BRINP3: variants seen among roughly 807,000 people sequenced by gnomAD.
BRINP3 encodes BMP/retinoic acid inducible neural specific 3.
BRINP3 carries 19 observed loss-of-function variants against 71.0 expected under a neutral mutation model. That is an observed-to-expected ratio of 0.27 (90% CI 0.19 to 0.39). The LOEUF (loss-of-function observed/expected upper bound fraction) is 0.39, where lower values mean the gene tolerates loss of function less well. BRINP3 is among the 10% of genes least tolerant of loss of function. BRINP3 has a pLI of 1.00. For missense variants in BRINP3, 959 were observed against 940.8 expected (o/e 1.02, Z -0.25); for synonymous variants, 380 against 337.7 (o/e 1.13, Z -1.37).
chr1:190,110,581 A>C (rs1652577001), intron 7 of BRINP3, among the ~76,000 whole-genome samples: 1 of 152,140 alleles, frequency 6.6e-6, no homozygotes, highest in Non-Finnish European at 1.5e-5. Context: ...TAAAACACAT[A>C]TTTCATAGAG....
chr1:190,259,612 CAAAA>C (rs995963734), intron 4 of BRINP3, among the ~76,000 whole-genome samples: 7 of 115,912 alleles, frequency 6.0e-5, no homozygotes, highest in Non-Finnish European at 9.0e-5. Context: ...GAGAATTAGG[CAAAA>C]AATAAATAAA....
At chr1:190,138,032 G>A (rs977633950) in intron 7 of BRINP3, among the ~76,000 whole-genome samples, 4 of 151,662 alleles carry the variant, frequency 2.6e-5, no homozygotes, top group African/African-American at 7.3e-5. Context: ...TCGGCTCACC[G>A]CAACCTCTGC....
intron 2 of BRINP3, among the ~76,000 whole-genome samples, chr1:190,283,664 T>A (rs1663207767): frequency 6.7e-6 from 1 of 148,694 alleles, no homozygotes; most frequent in Non-Finnish European, 1.5e-5. Context: ...AAATATAGGA[T>A]ATATAAATAA....
chr1:190,275,341 A>T (rs1662465944), intron 3 of BRINP3, among the ~76,000 whole-genome samples: 1 of 151,646 alleles, frequency 6.6e-6, no homozygotes, highest in South Asian at 2.1e-4. Context: ...CCTTAAATTT[A>T]TACAGATACT....
intron 7 of BRINP3, among the ~76,000 whole-genome samples, chr1:190,101,949 G>A (rs535044264): frequency 6.6e-6 from 1 of 152,196 alleles, no homozygotes; most frequent in Admixed American, 6.5e-5. Flanking sequence ...AAGCGTTTCG[G>A]CTGTTGGATT....
In BRINP3 at chr1:190,435,992, G is replaced by A. The variant is rs1172046540; in HGVS notation, c.236+18663C>T. On this transcript the variant is annotated intron_variant, in intron 2 of 7. Coordinates refer to ENST00000367462, the MANE Select transcript of BRINP3 (RefSeq NM_199051.3). Reference sequence around the variant, plus strand: ...AGACAAAATAGATTTTGTAAGGTAGGGAGAGAATCATTTTTTCCCCATGAT... The same window carrying A: ...AGACAAAATAGATTTTGTAAGGTAGAGAGAGAATCATTTTTTCCCCATGAT... 2.0e-5 allele frequency among the ~76,000 whole-genome samples: 3 copies of A among 151,902 alleles called. No homozygotes were observed. The East Asian group carries it at 5.8e-4, about 29-fold the overall frequency.
Position 190,387,191 on chromosome 1 carries a change from T to C in BRINP3, c.236+67464A>G, listed in dbSNP as rs535309039. On this transcript the variant is annotated intron_variant, in intron 2 of 7. Coordinates refer to ENST00000367462, the MANE Select transcript of BRINP3 (RefSeq NM_199051.3). ...AAAATTCACAATAAATTTTAAAGGCTAAATCAGCTGAAGCCAAATTATGAC... is the reference window on the plus strand; with the variant it reads ...AAAATTCACAATAAATTTTAAAGGCCAAATCAGCTGAAGCCAAATTATGAC... 1.6e-4 allele frequency among the ~76,000 whole-genome samples: 24 copies of C among 152,114 alleles called. No homozygotes were observed. In the South Asian group the frequency reaches 5.0e-3, roughly 31 times the overall value.
intron 4 of BRINP3, among the ~76,000 whole-genome samples, chr1:190,250,798 C>T (rs1034978050): frequency 1.1e-4 from 16 of 151,938 alleles, no homozygotes; most frequent in African/African-American, 3.9e-4. Flanking sequence ...CTTTTCCAAC[C>T]ACCATCCAGT....
chr1:190,438,835 T>A (rs573727559), intron 2 of BRINP3, among the ~76,000 whole-genome samples: 45 of 151,848 alleles, frequency 3.0e-4, no homozygotes, highest in Non-Finnish European at 4.3e-4. Context: ...GTTATCAATG[T>A]AGATTGTGAC....
intron 4 of BRINP3, among the ~76,000 whole-genome samples, chr1:190,246,281 G>C (rs1490683766): frequency 1.3e-5 from 2 of 151,834 alleles, no homozygotes; most frequent in Middle Eastern, 6.8e-3. Flanking sequence ...TTCCTCTAGA[G>C]ACCAGAATCC....
At chr1:190,259,149 A>T (rs1660942799) in intron 4 of BRINP3, among the ~76,000 whole-genome samples, 1 of 151,840 alleles carries the variant, frequency 6.6e-6, no homozygotes, top group African/African-American at 2.4e-5. Context: ...TCCTTTTATG[A>T]GGCCAGTATT....
At chr1:190,101,692 T>C (rs769879313) in intron 7 of BRINP3, among the ~76,000 whole-genome samples, 2 of 152,134 alleles carry the variant, frequency 1.3e-5, no homozygotes, top group Non-Finnish European at 2.9e-5. Context: ...AAAATTATAT[T>C]TTCTTCCCTG....
At chr1:190,285,032 T>C (rs981053014) in intron 2 of BRINP3, among the ~76,000 whole-genome samples, 11 of 152,114 alleles carry the variant, frequency 7.2e-5, no homozygotes, top group African/African-American at 2.7e-4. Context: ...AAATTTCAAA[T>C]TGAAATCTAA....
At chr1:190,138,390 TA>T (rs1363260229) in intron 7 of BRINP3, among the ~76,000 whole-genome samples, 2 of 152,140 alleles carry the variant, frequency 1.3e-5, no homozygotes, top group African/African-American at 4.8e-5. Flanking sequence ...TTGCATAAGT[TA>T]AAAAAACAAA....
intron 6 of BRINP3, among the ~76,000 whole-genome samples, chr1:190,195,376 C>A (rs780235503): frequency 6.6e-6 from 1 of 151,824 alleles, no homozygotes; most frequent in Non-Finnish European, 1.5e-5. Flanking sequence ...TCTTATTTGA[C>A]TTTATTTTAC....
In BRINP3 at chr1:190,226,162, A is replaced by G. The variant is rs754387561; in HGVS notation, c.881T>C (p.Met294Thr). 1.1e-5 allele frequency: 18 copies of G among 1,612,530 alleles called. No homozygotes were observed. The highest frequency in any genetic ancestry group is 1.4e-5 in the Non-Finnish European group (17 of 1,179,040). Residue 294 changes from methionine to threonine, a missense_variant, in exon 6 of 8, where the codon ATG (methionine) becomes ACG (threonine). Coordinates refer to ENST00000367462, the MANE Select transcript of BRINP3 (RefSeq NM_199051.3). ...PKFPECNCPS[M>T]DIQAMEENLL... ...ATTCTCTTCCATGGCTTGAATGTCCATGGAGGGGCAGTTGCATTCTGGAAA... is the reference window on the plus strand; with the variant it reads ...ATTCTCTTCCATGGCTTGAATGTCCGTGGAGGGGCAGTTGCATTCTGGAAA...
At chr1:190,339,174 C>T (rs1667490186) in intron 2 of BRINP3, among the ~76,000 whole-genome samples, 3 of 151,934 alleles carry the variant, frequency 2.0e-5, no homozygotes, top group African/African-American at 4.8e-5. Flanking sequence ...TCAAAAGCCT[C>T]ACAAAAATAG....
At chr1:190,350,822 GTTT>G (rs35410824) in intron 2 of BRINP3, among the ~76,000 whole-genome samples, 143 of 133,038 alleles carry the variant, frequency 1.1e-3, no homozygotes, top group Middle Eastern at 3.8e-3. Flanking sequence ...AGTTCACCTT[GTTT>G]TTTTTTTTTT....
chr1:190,382,476 G>A (rs1304981821), intron 2 of BRINP3, among the ~76,000 whole-genome samples: 1 of 152,042 alleles, frequency 6.6e-6, no homozygotes, highest in Non-Finnish European at 1.5e-5. Flanking sequence ...AAAAAAATCC[G>A]AAGTATAAAT....
Sources: allele counts gnomAD v4.1 joint callset (sites outside exome capture counted in the v4.1 genomes callset), GRCh38; gene constraint gnomAD v4.1.1; transcripts MANE v1.5; gene names NCBI Gene and HGNC (gene_info 2026-07-23, HGNC 2026-07-21).